RPTOR: variants seen among roughly 807,000 people sequenced by gnomAD.
RPTOR encodes the protein regulatory associated protein of MTOR complex 1.
In RPTOR, 21 loss-of-function variants were observed where a neutral mutation model predicts 169.9. That is an observed-to-expected ratio of 0.12 (90% CI 0.09 to 0.18). RPTOR has a LOEUF of 0.18. Ranked by LOEUF, RPTOR falls within the 10% of genes least tolerant of loss-of-function variation. The pLI, the probability that RPTOR is intolerant of heterozygous loss-of-function variation, is 1.00. For missense variants in RPTOR, 1,133 were observed against 1,855.9 expected (o/e 0.61, Z 7.16); for synonymous variants, 732 against 753.2 (o/e 0.97, Z 0.46).
chr17:80,692,501 A>G (rs532450462), intron 3 of RPTOR, among the ~76,000 whole-genome samples: 1 of 152,228 alleles, frequency 6.6e-6, no homozygotes, highest in East Asian at 1.9e-4. Flanking sequence ...TTGTATTTTC[A>G]GTAGAGATGG....
chr17:80,743,575 C>A, intron 5 of RPTOR: 3 of 432,018 alleles, frequency 6.9e-6, no homozygotes, highest in Non-Finnish European at 9.2e-6. Context: ...GGCTAGAAAT[C>A]ATGGAACAAA....
rs1310866665 is a variant in RPTOR at position 80,746,391 on chromosome 17, C to T, written c.655-7619C>T. 6.6e-6 allele frequency among the ~76,000 whole-genome samples: 1 copy of T among 152,226 alleles called. No homozygotes were observed. The highest frequency in any genetic ancestry group is 1.5e-5 in the Non-Finnish European group (1 of 68,038). ...TTTCTGCAGGGAGCGGACGGCAGGC[C>T]TGGGGCGTGCTGCCCGCTTACCTCA... is the stretch of plus-strand genomic sequence containing the variant. On this transcript the variant is annotated intron_variant, in intron 5 of 33. Coordinates refer to ENST00000306801, the MANE Select transcript of RPTOR (RefSeq NM_020761.3). The surrounding 1 kb of genome is among the most constrained non-coding windows in gnomAD (Gnocchi z 4.5).
chr17:80,753,659 A>C (rs2066652215), intron 5 of RPTOR, among the ~76,000 whole-genome samples: 1 of 147,536 alleles, frequency 6.8e-6, no homozygotes, highest in South Asian at 2.2e-4. Context: ...AAAAGATTGA[A>C]CGTTTAAAAC....
intron 1 of RPTOR, among the ~76,000 whole-genome samples, chr17:80,594,881 C>T (rs969619286): frequency 2.0e-5 from 3 of 152,126 alleles, no homozygotes; most frequent in Non-Finnish European, 4.4e-5. Flanking sequence ...CTTGTGACAA[C>T]GAATCCCTTT....
intron 7 of RPTOR, among the ~76,000 whole-genome samples, chr17:80,818,880 C>T (rs2067350595): frequency 6.6e-6 from 1 of 152,214 alleles, no homozygotes; most frequent in Non-Finnish European, 1.5e-5. Flanking sequence ...GATGGCTTGG[C>T]CATCCAGTGA....
At chr17:80,848,494 T>C (rs1258296307) in intron 11 of RPTOR, among the ~76,000 whole-genome samples, 1 of 152,268 alleles carries the variant, frequency 6.6e-6, no homozygotes, top group Non-Finnish European at 1.5e-5. Context: ...GAACACGCAG[T>C]GATAGCAGCA....
chr17:80,794,263 T>G (rs2067078739), intron 7 of RPTOR, among the ~76,000 whole-genome samples: 1 of 151,988 alleles, frequency 6.6e-6, no homozygotes, highest in Non-Finnish European at 1.5e-5. Context: ...AAAAGAAAAT[T>G]AGAAAATAGA....
chr17:80,868,630 T>TC (rs1450822697), intron 13 of RPTOR, among the ~76,000 whole-genome samples: 1 of 152,166 alleles, frequency 6.6e-6, no homozygotes, highest in East Asian at 1.9e-4. Context: ...TCCTAGGTAT[T>TC]CCCCAAGAGA....
chr17:80,883,280 C>G, intron 14 of RPTOR, 139 bp from the exon 15 acceptor site: 1 of 750,234 alleles, frequency 1.3e-6, no homozygotes, highest in South Asian at 1.6e-5. Flanking sequence ...CACGTAAAAT[C>G]CAGGAGTAAA....
intron 3 of RPTOR, among the ~76,000 whole-genome samples, chr17:80,689,560 G>A (rs2316063): frequency 0.18 from 26,778 of 152,262 alleles, 3,763 homozygotes; most frequent in African/African-American, 0.39. Flanking sequence ...GATAGTTAGC[G>A]AGGAAGCGCA....
In RPTOR at chr17:80,760,300, C is replaced by CTTTTTT. The variant is rs1479994551; in HGVS notation, c.830+6116_830+6121dup. ...GTGTTCCAGTCGAGCTTTCTTTTTT[C>CTTTTTT]TTTTTTCTTTTTTTTTTTTTTGAGA... On this transcript the variant is annotated intron_variant, in intron 6 of 33. Coordinates refer to ENST00000306801, the MANE Select transcript of RPTOR (RefSeq NM_020761.3). Among the ~76,000 whole-genome samples, 9 of 96,496 alleles carry CTTTTTT rather than the reference C, an allele frequency of 9.3e-5. 2 individuals are homozygous for CTTTTTT. Among genetic ancestry groups the CTTTTTT allele is most frequent in the South Asian group, 3.9e-4 (1 of 2,552 alleles). The allele number at this position is 96,496 out of a possible 152,430, so 63.3% of individuals were successfully genotyped here.
At position 80,545,616 on chromosome 17, in the gene RPTOR, C is replaced by T. The variant is rs763217365; in HGVS notation, c.-14C>T. ...CGCTTGCTGCCAAGGACTCCCCCAC[C>T]CCCTCCCCCACTGATGGAGTCCGAA... On this transcript the variant is annotated 5_prime_UTR_variant, in exon 1 of 34. Transcript: ENST00000306801. The T allele has an allele frequency of 1.3e-6, 2 of 1,599,124 alleles. No individual in the cohort carries two copies. Among genetic ancestry groups the T allele is most frequent in the Non-Finnish European group, 1.7e-6 (2 of 1,171,932 alleles).
intron 1 of RPTOR, among the ~76,000 whole-genome samples, chr17:80,618,231 C>T (rs2065327556): frequency 6.6e-6 from 1 of 152,178 alleles, no homozygotes; most frequent in African/African-American, 2.4e-5. Flanking sequence ...AGGTGATCCG[C>T]CAGGCTTGGC....
intron 3 of RPTOR, among the ~76,000 whole-genome samples, chr17:80,677,495 C>G (rs763402468): frequency 2.0e-5 from 3 of 152,184 alleles, no homozygotes; most frequent in Non-Finnish European, 4.4e-5. Context: ...GGTCCCTGCT[C>G]TCTACCACAG....
intron 7 of RPTOR, among the ~76,000 whole-genome samples, chr17:80,798,872 A>T (rs547545019): frequency 2.2e-4 from 34 of 152,300 alleles, no homozygotes; most frequent in African/African-American, 8.2e-4. Flanking sequence ...TGAGAGCCAC[A>T]CGGTTGTCTG....
intron 9 of RPTOR, among the ~76,000 whole-genome samples, chr17:80,830,993 C>T (rs2067497755): frequency 6.6e-6 from 1 of 152,192 alleles, no homozygotes; most frequent in Non-Finnish European, 1.5e-5. Context: ...AATCCTCCCA[C>T]CTTGGCCTCC....
chr17:80,702,665 G>T (rs180927532), intron 3 of RPTOR, among the ~76,000 whole-genome samples: 1 of 152,246 alleles, frequency 6.6e-6, no homozygotes, highest in African/African-American at 2.4e-5. Context: ...CCTTCTCTAC[G>T]CAATAGGTAA....
chr17:80,843,736 G>A (rs1443124555), intron 10 of RPTOR, among the ~76,000 whole-genome samples: 1 of 152,202 alleles, frequency 6.6e-6, no homozygotes, highest in Admixed American at 6.5e-5. Flanking sequence ...ATCTCAGAAT[G>A]TCCAGATGGT....
chr17:80,665,904 G>A (rs1373418521), intron 3 of RPTOR, among the ~76,000 whole-genome samples: 1 of 152,220 alleles, frequency 6.6e-6, no homozygotes, highest in East Asian at 1.9e-4. Context: ...GATCTTCGTC[G>A]GAAAGATGAA....
Sources: gnomAD v4.1 joint callset for allele counts (sites outside exome capture counted in the v4.1 genomes callset) on GRCh38, gnomAD v4.1.1 for gene constraint, Gnocchi (gnomAD v3.1) non-coding constraint, MANE v1.5 for transcripts, NCBI Gene and HGNC (gene_info 2026-07-23, HGNC 2026-07-21) for gene names.